TBCE: variants seen among roughly 807,000 people sequenced by gnomAD.
The protein encoded by TBCE is tubulin folding cofactor E.
In TBCE, 53 loss-of-function variants were observed where a neutral mutation model predicts 77.0. That is an observed-to-expected ratio of 0.69 (90% CI 0.55 to 0.87). The LOEUF (loss-of-function observed/expected upper bound fraction) is 0.87, where lower values mean the gene tolerates loss of function less well. Among genes scored for constraint, TBCE ranks in the 40% least tolerant of loss-of-function variants. The probability of loss-of-function intolerance (pLI) is 0.00; values close to 1 mark genes in which losing one functional copy is unlikely to be tolerated. For synonymous variants in TBCE, 235 were observed against 241.3 expected (o/e 0.97, Z 0.24); for missense variants, 624 against 622.4 (o/e 1.00, Z -0.03).
intron 5 of TBCE, 139 bp from the exon 6 acceptor site, chr1:235,427,001 G>A (rs1020284973): frequency 4.5e-6 from 3 of 671,826 alleles, no homozygotes; most frequent in African/African-American, 3.6e-5. Context: ...AAAATATTAT[G>A]TACTCCTGAA....
intron 2 of TBCE, among the ~76,000 whole-genome samples, chr1:235,387,036 A>G (rs1678052516): frequency 6.6e-6 from 1 of 152,210 alleles, no homozygotes. Flanking sequence ...CCTCAGCTGC[A>G]GGTCTGTTGG....
At chr1:235,437,620 T>C (rs1681550534) in intron 12 of TBCE, 146 bp downstream of exon 12, 1 of 925,394 alleles carries the variant, frequency 1.1e-6, no homozygotes, top group Non-Finnish European at 1.6e-6. Context: ...GAGACCAGCC[T>C]GGGCAATCTT....
At position 235,448,873 on chromosome 1, in the gene TBCE, T is replaced by C. The variant is rs911533241; in HGVS notation, c.*111T>C. ...TGTCAAAACAAAGGGGGTTTACAAC[T>C]TGTCCTAAGTATAACAAGGGATGTA... is the stretch of plus-strand genomic sequence containing the variant. On this transcript the variant is annotated 3_prime_UTR_variant, in exon 17 of 17. Coordinates refer to ENST00000642610, the MANE Select transcript of TBCE (RefSeq NM_003193.5). 7 of 821,210 alleles carry C rather than the reference T, an allele frequency of 8.5e-6. No individual in the cohort carries two copies. The highest frequency in any genetic ancestry group is 1.4e-5 in the Non-Finnish European group (7 of 489,960). The allele number at this position is 821,210 out of a possible 1,614,324, so 50.9% of individuals were successfully genotyped here. A position where few individuals can be genotyped will look rare whatever the true frequency, so the allele number is the denominator to read the frequency against.
intron 13 of TBCE, among the ~76,000 whole-genome samples, chr1:235,439,273 C>T (rs576931233): frequency 2.0e-5 from 3 of 150,046 alleles, no homozygotes; most frequent in Non-Finnish European, 4.4e-5. Context: ...GGGTGGATCA[C>T]GAGGTCAGGA....
At chr1:235,390,743 A>G (rs1184882643) in intron 2 of TBCE, among the ~76,000 whole-genome samples, 2 of 149,320 alleles carry the variant, frequency 1.3e-5, no homozygotes, top group Non-Finnish European at 3.0e-5. Context: ...CCTGGGTGAC[A>G]AGAGCGAAAC....
intron 3 of TBCE, among the ~76,000 whole-genome samples, chr1:235,404,625 T>G (rs1679311303): frequency 6.6e-6 from 1 of 152,032 alleles, no homozygotes; most frequent in Non-Finnish European, 1.5e-5. Context: ...TCTTTAATAA[T>G]AAATTAACTT....
intron 3 of TBCE, among the ~76,000 whole-genome samples, chr1:235,410,861 G>A (rs929247787): frequency 2.6e-5 from 4 of 152,192 alleles, no homozygotes; most frequent in African/African-American, 7.2e-5. Flanking sequence ...GTTCGAAAGC[G>A]TTGGTATGGC....
intron 2 of TBCE, among the ~76,000 whole-genome samples, chr1:235,396,954 G>GTTTGTTTGTTTA (rs1553333556): frequency 4.4e-4 from 66 of 148,460 alleles, no homozygotes; most frequent in African/African-American, 1.4e-3. Context: ...TTTGTTGATT[G>GTTTGTTTGTTTA]TTTATTTATT....
chr1:235,437,086 G>A (rs534576415), intron 11 of TBCE, among the ~76,000 whole-genome samples: 1 of 152,120 alleles, frequency 6.6e-6, no homozygotes, highest in Non-Finnish European at 1.5e-5. Context: ...CCGAGATCGC[G>A]CCGTTGCTCT....
chr1:235,448,575 T>TA, intron 16 of TBCE, 95 bp from the exon 17 acceptor site: 6 of 1,375,316 alleles, frequency 4.4e-6, no homozygotes, highest in Non-Finnish European at 6.2e-6. Context: ...AAGGGTAAGC[T>TA]ACTGCCTGGG....
chr1:235,374,097 C>T lies in TBCE; in HGVS notation c.-31-5922C>T, dbSNP rs546482489. On this transcript the variant is annotated intron_variant, in intron 1 of 16. Coordinates refer to ENST00000642610, the MANE Select transcript of TBCE (RefSeq NM_003193.5). Reference sequence around the variant, plus strand: ...CAAGCCTCCAGAGTAGCTGGGATTACGGGTGCTTGCCACCATGCCTGGCTA... The same window carrying T: ...CAAGCCTCCAGAGTAGCTGGGATTATGGGTGCTTGCCACCATGCCTGGCTA... Among the ~76,000 whole-genome samples, 109 of 145,772 alleles carry T rather than the reference C, an allele frequency of 7.5e-4. 14 individuals carry two copies. Among genetic ancestry groups the T allele is most frequent in the African/African-American group, 2.6e-3 (99 of 37,752 alleles).
At chr1:235,439,474 C>T (rs908408196) in intron 13 of TBCE, among the ~76,000 whole-genome samples, 1 of 151,464 alleles carries the variant, frequency 6.6e-6, no homozygotes, top group Non-Finnish European at 1.5e-5. Flanking sequence ...CCAGCCTGGG[C>T]GACAGAACGA....
Position 235,435,738 on chromosome 1 carries a change from C to T in TBCE, c.738-7C>T, listed in dbSNP as rs1681408245. The T allele has an allele frequency of 6.2e-7, 1 of 1,612,694 alleles. No individual in the cohort carries two copies. Among genetic ancestry groups the T allele is most frequent in the Non-Finnish European group, 8.5e-7 (1 of 1,178,804 alleles). On this transcript the variant is annotated splice_region_variant and splice_polypyrimidine_tract_variant and intron_variant, in intron 8 of 16. Coordinates refer to ENST00000642610, the MANE Select transcript of TBCE (RefSeq NM_003193.5). ...TTCACGGTGAAAAAATTTTATTTTC[C>T]ATACAGGCCAACAGATGTTCTCCAG...
At chr1:235,368,150 C>T (rs559722764) in intron 1 of TBCE, among the ~76,000 whole-genome samples, 1 of 152,260 alleles carries the variant, frequency 6.6e-6, no homozygotes, top group South Asian at 2.1e-4. Flanking sequence ...AGATGATCCA[C>T]CCGCCTCGGC....
intron 2 of TBCE, among the ~76,000 whole-genome samples, chr1:235,381,938 A>G (rs1677684881): frequency 1.4e-5 from 2 of 140,660 alleles, no homozygotes; most frequent in South Asian, 2.5e-4. Context: ...AGCATTAGGT[A>G]TATCTCCTAA....
At chr1:235,383,290 G>A (rs1377438658) in intron 2 of TBCE, among the ~76,000 whole-genome samples, 2 of 152,048 alleles carry the variant, frequency 1.3e-5, no homozygotes, top group African/African-American at 4.8e-5. Flanking sequence ...GATTGACATG[G>A]CGATGCGGGC....
rs529887593 is a variant in TBCE at position 235,370,861 on chromosome 1, T to C, written c.-32+3357T>C. Among the ~76,000 whole-genome samples, 116 of 137,034 alleles carry C rather than the reference T, an allele frequency of 8.5e-4. 1 individual carries two copies. The highest frequency in any genetic ancestry group is 3.0e-3 in the African/African-American group (111 of 36,528). 89.9% of individuals were successfully genotyped at this position (137,034 alleles called of 152,430 possible). On this transcript the variant is annotated intron_variant, in intron 1 of 16. Transcript: ENST00000642610. ...GGTTCAAGCGATTCTCCTGCCTCAG[T>C]CTCCTGAGTAGCTGGGATTACAGGC...
chr1:235,451,386 G>A lies in TBCE; in HGVS notation c.*2624G>A, dbSNP rs1271645961. ...AGATGGTAGTATTCCTAGATGCATGGCAGAAAAAAATGTAAATATGTAAAT... is the reference window on the plus strand; with the variant it reads ...AGATGGTAGTATTCCTAGATGCATGACAGAAAAAAATGTAAATATGTAAAT... On this transcript the variant is annotated 3_prime_UTR_variant, in exon 17 of 17. Transcript: ENST00000642610. 2.0e-5 allele frequency: 3 copies of A among 148,790 alleles called. No individual in the cohort carries two copies. Among genetic ancestry groups the A allele is most frequent in the Admixed American group, 6.8e-5 (1 of 14,684 alleles). The allele number at this position is 148,790 out of a possible 1,614,324, so 9.2% of individuals were successfully genotyped here.
chr1:235,434,128 G>A, intron 7 of TBCE, 76 bp from the exon 8 acceptor site: 3 of 1,290,742 alleles, frequency 2.3e-6, no homozygotes, highest in Non-Finnish European at 3.4e-6. Flanking sequence ...CTGAATTCTT[G>A]TGGTGGTTCC....
Sources: allele counts gnomAD v4.1 joint callset (sites outside exome capture counted in the v4.1 genomes callset), GRCh38; gene constraint gnomAD v4.1.1; transcripts MANE v1.5; gene names NCBI Gene and HGNC (gene_info 2026-07-23, HGNC 2026-07-21).